The following EPB41 variants were observed in gnomAD, a reference collection of about 807,000 sequenced individuals.
EPB41 encodes erythrocyte membrane protein band 4.1, also known as protein 4.1.
EPB41 carries 65 observed loss-of-function variants against 108.0 expected under a neutral mutation model. The ratio of observed to expected loss-of-function variants is 0.60; its 90% confidence interval spans 0.49 to 0.74. The LOEUF is 0.74. Among genes scored for constraint, EPB41 ranks in the 30% least tolerant of loss-of-function variants. The probability of loss-of-function intolerance (pLI) is 0.00; values close to 1 mark genes in which losing one functional copy is unlikely to be tolerated. For synonymous variants in EPB41, 336 were observed against 358.9 expected, an observed-to-expected ratio of 0.94 and a Z score of 0.72; for missense variants, 875 against 1,037.0, an observed-to-expected ratio of 0.84 and a Z score of 2.15.
intron 16 of EPB41, among the ~76,000 whole-genome samples, chr1:29,095,067 G>A (rs561135344): frequency 1.3e-5 from 2 of 152,312 alleles, no homozygotes; most frequent in African/African-American, 2.4e-5. Flanking sequence ...CAGCATAGAT[G>A]CAATTTTTTT....
At chr1:29,092,912 C>T (rs1420734331) in intron 16 of EPB41, among the ~76,000 whole-genome samples, 1 of 152,298 alleles carries the variant, frequency 6.6e-6, no homozygotes, top group East Asian at 1.9e-4. Context: ...CATAGTATTC[C>T]ATGGTATATA....
At chr1:29,022,363 T>G (rs2096656605) in intron 7 of EPB41, among the ~76,000 whole-genome samples, 1 of 138,324 alleles carries the variant, frequency 7.2e-6, no homozygotes, top group Admixed American at 7.4e-5. Context: ...GAAACTGCCA[T>G]TGATATAATA....
At chr1:28,950,086 A>G (rs2094649845) in intron 1 of EPB41, among the ~76,000 whole-genome samples, 1 of 152,122 alleles carries the variant, frequency 6.6e-6, no homozygotes, top group Non-Finnish European at 1.5e-5. Context: ...TATGCCTGTG[A>G]TGTCTCCTTG....
chr1:28,940,645 C>G (rs901488298), intron 1 of EPB41, among the ~76,000 whole-genome samples: 23 of 151,904 alleles, frequency 1.5e-4, no homozygotes, highest in African/African-American at 5.6e-4. Flanking sequence ...GAGCGAGACT[C>G]TGTGTCAAAA....
chr1:29,074,967 G>A (rs925377590), intron 16 of EPB41, among the ~76,000 whole-genome samples: 2 of 152,014 alleles, frequency 1.3e-5, no homozygotes, highest in African/African-American at 4.8e-5. Flanking sequence ...GACCATCCTG[G>A]CTAACATGGT....
At chr1:29,042,383 G>A (rs892930472) in intron 11 of EPB41, among the ~76,000 whole-genome samples, 2 of 152,142 alleles carry the variant, frequency 1.3e-5, no homozygotes, top group African/African-American at 4.8e-5. Flanking sequence ...GAGGAATCAG[G>A]AAGGGGTCAG....
At chr1:29,048,050 C>G (rs1643832974) in intron 11 of EPB41, among the ~76,000 whole-genome samples, 1 of 152,028 alleles carries the variant, frequency 6.6e-6, no homozygotes, top group South Asian at 2.1e-4. Context: ...TCCCAAAGTT[C>G]TGGGATTACG....
chr1:29,102,900 G>C (rs1318057874), intron 17 of EPB41, among the ~76,000 whole-genome samples: 1 of 152,112 alleles, frequency 6.6e-6, no homozygotes, highest in African/African-American at 2.4e-5. Context: ...AGCCTCCCAG[G>C]TGGCTGGGAT....
chr1:28,934,666 T>TTTGTG (rs1553174370), intron 1 of EPB41, among the ~76,000 whole-genome samples: 3,475 of 136,386 alleles, frequency 0.025, 98 homozygotes, highest in East Asian at 0.075. Flanking sequence ...TCTTTTGACA[T>TTTGTG]TGTGTGTGTG....
intron 1 of EPB41, among the ~76,000 whole-genome samples, chr1:28,898,744 G>C (rs1192090774): frequency 6.6e-6 from 1 of 152,208 alleles, no homozygotes; most frequent in South Asian, 2.1e-4. Flanking sequence ...CCCCTTGCCC[G>C]CCTTGGCCTT....
At chr1:29,081,672 C>G (rs1656691330) in intron 16 of EPB41, among the ~76,000 whole-genome samples, 3 of 152,016 alleles carry the variant, frequency 2.0e-5, no homozygotes, top group South Asian at 4.1e-4. Flanking sequence ...CCTGTCTCTA[C>G]TAAAAATACA....
chr1:28,890,005 A>ATTTTAT (rs145496390), intron 1 of EPB41: 8 of 151,566 alleles, frequency 5.3e-5, no homozygotes, highest in Admixed American at 1.3e-4. Flanking sequence ...CTGATATTTT[A>ATTTTAT]TTTTATTTTT....
At chr1:29,047,783 TATGTATGTATG>T (rs1414688285) in intron 11 of EPB41, among the ~76,000 whole-genome samples, 12 of 151,840 alleles carry the variant, frequency 7.9e-5, no homozygotes, top group African/African-American at 2.9e-4. Flanking sequence ...TGTATGTATG[TATGTATGTATG>T]TATTTATTTT....
chr1:28,949,758 C>T (rs945871155), intron 1 of EPB41, among the ~76,000 whole-genome samples: 8 of 151,852 alleles, frequency 5.3e-5, no homozygotes, highest in Admixed American at 2.6e-4. Flanking sequence ...TGCATGCCAC[C>T]ACACCCAGAT....
At chr1:29,001,278 C>T (rs938014944) in intron 4 of EPB41, among the ~76,000 whole-genome samples, 2 of 152,070 alleles carry the variant, frequency 1.3e-5, no homozygotes, top group African/African-American at 4.8e-5. Flanking sequence ...CGCAGGGAGC[C>T]GAGGTCACGC....
chr1:28,903,232 T>C (rs1427212673), intron 1 of EPB41, among the ~76,000 whole-genome samples: 1 of 152,052 alleles, frequency 6.6e-6, no homozygotes, highest in Non-Finnish European at 1.5e-5. Context: ...GCCAGGCAGA[T>C]GTGGATTTGA....
chr1:28,985,711 G>C (rs1049810741), intron 1 of EPB41: 2 of 152,158 alleles, frequency 1.3e-5, no homozygotes, highest in Non-Finnish European at 2.9e-5. Flanking sequence ...CTTCATTTAG[G>C]CTTGTCTGGT....
chr1:29,110,808 A>G (rs896158807), intron 18 of EPB41, among the ~76,000 whole-genome samples: 3 of 152,194 alleles, frequency 2.0e-5, no homozygotes, highest in Admixed American at 6.5e-5. Flanking sequence ...TAATATGAAA[A>G]TGCTTTAAAA....
chr1:29,036,290 G>A (rs1014790284), intron 10 of EPB41, among the ~76,000 whole-genome samples: 6 of 125,884 alleles, frequency 4.8e-5, no homozygotes, highest in South Asian at 2.4e-4. Flanking sequence ...ACGGAGTTTC[G>A]CTCTTGTTGC....
Sources: gnomAD v4.1 joint callset for allele counts (sites outside exome capture counted in the v4.1 genomes callset) on GRCh38, gnomAD v4.1.1 for gene constraint, MANE v1.5 for transcripts, NCBI Gene and HGNC (gene_info 2026-07-23, HGNC 2026-07-21) for gene names.